NOMO1: variants seen among roughly 807,000 people sequenced by gnomAD.
NOMO1 encodes nodal modulator 3.
A neutral mutation model predicts 133.8 loss-of-function variants in NOMO1; 40 were observed. The observed-to-expected ratio is 0.30, with a 90% confidence interval of 0.23 to 0.39. NOMO1 has a LOEUF of 0.39. Ranked by LOEUF, NOMO1 falls within the 10% of genes least tolerant of loss-of-function variation. The pLI is 1.00. For synonymous variants in NOMO1, 236 were observed against 570.5 expected (o/e 0.41, Z 8.36); for missense variants, 462 against 1,419.9 (o/e 0.33, Z 10.84).
intron 9 of NOMO1, among the ~76,000 whole-genome samples, chr16:14,856,293 T>C (rs1476823607): frequency 6.6e-6 from 1 of 151,942 alleles, no homozygotes; most frequent in Non-Finnish European, 1.5e-5. Flanking sequence ...GGGCTGGAAC[T>C]CAGTAACTGC....
At position 14,876,376 on chromosome 16, in the gene NOMO1, C is replaced by G. The variant is rs1406100483; in HGVS notation, c.2374C>G (p.Leu792Val). 2 of 1,611,270 alleles carry G rather than the reference C, an allele frequency of 1.2e-6. No individual in the cohort carries two copies. Among genetic ancestry groups the G allele is most frequent in the South Asian group, 2.2e-5 (2 of 90,930 alleles). ...CCTCTTAGAAAGCTGCCCAGGGAAG[C>G]TGATCGAGATCCATGGGAAGGCAGG... The part of the protein sequence containing the change: ...VVSGESCPGK[L>V]IEIHGKAGLF... Residue 792 changes from leucine (L) to valine (V), a missense_variant, in exon 21 of 31, where the codon CTG becomes GTG. Physicochemically the swap from Leu to Val is conservative, Grantham distance 32. Coordinates refer to ENST00000287667, the MANE Select transcript of NOMO1 (RefSeq NM_014287.4).
rs148268511 is a variant in NOMO1 at position 14,845,203 on chromosome 16, A to G, written c.402+429A>G. Among the ~76,000 whole-genome samples, 451 of 151,682 alleles carry G rather than the reference A, an allele frequency of 3.0e-3. 6 individuals carry two copies. Among genetic ancestry groups the G allele is most frequent in the African/African-American group, 0.01 (417 of 41,268 alleles). On this transcript the variant is annotated intron_variant, in intron 4 of 30. Transcript: ENST00000287667. ...CAAGTGTGTGCCACCATGCCTGGCT[A>G]ATTTTTGTATTTTCAGCAGAGATGG...
intron 22 of NOMO1, among the ~76,000 whole-genome samples, chr16:14,878,493 C>CAAA (rs1184163940): frequency 2.6e-4 from 10 of 39,032 alleles, no homozygotes; most frequent in Non-Finnish European, 4.6e-4. Context: ...GACCCTGTCT[C>CAAA]AAAAAAAAAA....
intron 1 of NOMO1, among the ~76,000 whole-genome samples, chr16:14,836,694 C>CTGATTTT (rs1441454921): frequency 0.015 from 2,008 of 130,494 alleles, 2 homozygotes; most frequent in African/African-American, 0.056. Context: ...TTCCATTTTA[C>CTGATTTT]TTTTTTTTTT....
chr16:14,836,340 G>C (rs1963508307), intron 1 of NOMO1, among the ~76,000 whole-genome samples: 1 of 151,998 alleles, frequency 6.6e-6, no homozygotes, highest in African/African-American at 2.4e-5. Flanking sequence ...TTACATACAG[G>C]CTTAACCTTA....
chr16:14,866,525 T>C (rs375051004), intron 14 of NOMO1, 30 bp from the exon 15 acceptor site: 4 of 1,610,278 alleles, frequency 2.5e-6, no homozygotes, highest in South Asian at 1.1e-5. Flanking sequence ...TCCACGCCCA[T>C]GTATCCGTTT....
chr16:14,883,862 C>G (rs1318828140), intron 26 of NOMO1, among the ~76,000 whole-genome samples: 1 of 151,226 alleles, frequency 6.6e-6, no homozygotes, highest in Non-Finnish European at 1.5e-5. Context: ...GACTCTGCCC[C>G]TGCTCTAACA....
Position 14,886,811 on chromosome 16 carries a change from C to T in NOMO1, c.3273C>T (p.Ser1091=), listed in dbSNP as rs1263590015. Residue 1091 remains serine (S), a synonymous_variant, in exon 28 of 31, where the codon TCC becomes TCT. Transcript: ENST00000287667. Reference sequence around the variant, plus strand: ...TCGACAATCCAATCCAGACAGTTTCCCTTGGCCAGTCCCTGTTCTTCCATT... The same window carrying T: ...TCGACAATCCAATCCAGACAGTTTCTCTTGGCCAGTCCCTGTTCTTCCATT... The part of the protein sequence containing the change: ...ENLDNPIQTV[S]LGQSLFFHFP... The T allele has an allele frequency of 3.1e-6, 5 of 1,611,668 alleles. No homozygotes were observed. The highest frequency in any genetic ancestry group is 4.2e-6 in the Non-Finnish European group (5 of 1,179,800).
chr16:14,839,550 T>G (rs1963574127), intron 2 of NOMO1, among the ~76,000 whole-genome samples: 1 of 151,446 alleles, frequency 6.6e-6, no homozygotes, highest in Non-Finnish European at 1.5e-5. Context: ...TACAGATTCA[T>G]AGGAAGTTGC....
At chr16:14,874,772 A>G (rs1410979905) in intron 18 of NOMO1, among the ~76,000 whole-genome samples, 1 of 151,968 alleles carries the variant, frequency 6.6e-6, no homozygotes, top group East Asian at 1.9e-4. Flanking sequence ...TCCTACATGG[A>G]AGCTACAAGC....
chr16:14,886,200 C>T (rs973695253), intron 27 of NOMO1, among the ~76,000 whole-genome samples: 4 of 150,974 alleles, frequency 2.6e-5, no homozygotes, highest in Non-Finnish European at 5.9e-5. Flanking sequence ...TGGAGAGCCA[C>T]GTACATGATG....
chr16:14,866,748 A>G (rs906275902), intron 15 of NOMO1, 57 bp downstream of exon 15: 10 of 1,609,752 alleles, frequency 6.2e-6, no homozygotes, highest in Middle Eastern at 4.5e-4. Context: ...GTGGATGTCA[A>G]GAAAGACTAA....
intron 28 of NOMO1, among the ~76,000 whole-genome samples, chr16:14,887,651 G>A (rs867233107): frequency 2.0e-5 from 3 of 152,076 alleles, no homozygotes; most frequent in Admixed American, 1.3e-4. Flanking sequence ...ACTAGGAAAC[G>A]CCATGATTTA....
chr16:14,841,063 G>A (rs1285643602), intron 2 of NOMO1, among the ~76,000 whole-genome samples: 1 of 148,752 alleles, frequency 6.7e-6, no homozygotes, highest in African/African-American at 2.5e-5. Context: ...TCAATTAATA[G>A]AATTATAGTA....
Position 14,852,415 on chromosome 16 carries a change from CT to C in NOMO1, c.583-10del. On this transcript the variant is annotated splice_polypyrimidine_tract_variant and intron_variant, in intron 6 of 30. Coordinates refer to ENST00000287667, the MANE Select transcript of NOMO1 (RefSeq NM_014287.4). Reference sequence around the variant, plus strand: ...TGTTTATTTTTTTACAGGTTAAAATCTTTTTCTGTTACAGGCAAGCACCACA... The same window carrying C: ...TGTTTATTTTTTTACAGGTTAAAATCTTTTCTGTTACAGGCAAGCACCACA... The C allele has an allele frequency of 6.9e-7, 1 of 1,458,232 alleles. No individual in the cohort carries two copies. The highest frequency in any genetic ancestry group is 9.1e-7 in the Non-Finnish European group (1 of 1,101,056). 90.3% of individuals were successfully genotyped at this position (1,458,232 alleles called of 1,614,324 possible).
chr16:14,855,942 G>C (rs1238297247), intron 9 of NOMO1, among the ~76,000 whole-genome samples: 2 of 151,924 alleles, frequency 1.3e-5, no homozygotes, highest in African/African-American at 2.4e-5. Context: ...AGGACTACCT[G>C]TCATGTGAGA....
chr16:14,871,468 A>T (rs1964079972), intron 16 of NOMO1, among the ~76,000 whole-genome samples, 153 bp from the exon 17 acceptor site: 1 of 152,088 alleles, frequency 6.6e-6, no homozygotes, highest in African/African-American at 2.4e-5. Context: ...AGTGAAAACG[A>T]TGCCTGCCCA....
In NOMO1 at chr16:14,876,391, G is replaced by A. The variant is rs1208239570; in HGVS notation, c.2389G>A (p.Gly797Arg). ...SCPGKLIEIH[G>R]KAGLFLEGQI... ...CCCAGGGAAGCTGATCGAGATCCAT[G>A]GGAAGGCAGGCCTGTTTTTAGAAGG... Residue 797 changes from glycine to arginine, a missense_variant, in exon 21 of 31, where the codon GGG (glycine) becomes AGG (arginine). Physicochemically the swap from Gly to Arg is moderately radical, Grantham distance 125 (BLOSUM62 -2). Transcript: ENST00000287667. 7 of 1,611,122 alleles carry A rather than the reference G, an allele frequency of 4.3e-6. No individual in the cohort carries two copies. Among genetic ancestry groups the A allele is most frequent in the Non-Finnish European group, 5.9e-6 (7 of 1,179,742 alleles).
intron 13 of NOMO1, 111 bp downstream of exon 13, chr16:14,864,837 C>T (rs1226976804): frequency 4.3e-5 from 66 of 1,539,384 alleles, no homozygotes; most frequent in Middle Eastern, 4.3e-4. Context: ...TGATCACCTG[C>T]GTGCGAGGGA....
Sources: allele counts gnomAD v4.1 joint callset (sites outside exome capture counted in the v4.1 genomes callset), GRCh38; gene constraint gnomAD v4.1.1; transcripts MANE v1.5; gene names NCBI Gene and HGNC (gene_info 2026-07-23, HGNC 2026-07-21).